WBP11: variants seen among roughly 807,000 people sequenced by gnomAD.
The protein encoded by WBP11 is WW domain-binding protein 11.
A neutral mutation model predicts 66.7 loss-of-function variants in WBP11; 12 were observed. That is an observed-to-expected ratio of 0.18 (90% CI 0.12 to 0.29). The LOEUF (loss-of-function observed/expected upper bound fraction) is 0.29, where lower values mean the gene tolerates loss of function less well. Ranked by LOEUF, WBP11 falls within the 10% of genes least tolerant of loss-of-function variation. WBP11 has a pLI of 1.00. For synonymous variants in WBP11, 255 were observed against 273.8 expected (o/e 0.93, Z 0.68); for missense variants, 555 against 818.3 (o/e 0.68, Z 3.93).
At chr12:14,787,593 T>A in intron 11 of WBP11, 95 bp from the exon 12 acceptor site, 1 of 1,129,242 alleles carries the variant, frequency 8.9e-7, no homozygotes. Flanking sequence ...AATTTTTAAA[T>A]AAATGGATAA....
chr12:14,794,637 A>T lies in WBP11; in HGVS notation c.621T>A (p.Pro207=), dbSNP rs766746000. Residue 207 remains proline (P), a synonymous_variant, in exon 7 of 12, where the codon CCT becomes CCA. Coordinates refer to ENST00000261167, the MANE Select transcript of WBP11 (RefSeq NM_016312.3). The stretch of plus-strand genomic sequence containing the variant: ...CATACATCTGCACGACTTGAGGAGG[A>T]GGTGGACCAGGGGGAGGGCCAGGAG... ...RKPPGPPPGP[P]PPQVVQMYGR... 2.5e-6 allele frequency: 4 copies of T among 1,613,676 alleles called. No homozygotes were observed. Among genetic ancestry groups the T allele is most frequent in the East Asian group, 4.5e-5 (2 of 44,844 alleles).
At chr12:14,794,033 T>A in intron 7 of WBP11, 111 bp from the exon 8 acceptor site, 7 of 537,674 alleles carry the variant, frequency 1.3e-5, no homozygotes, top group Admixed American at 5.8e-5. Context: ...ACAACTTAAT[T>A]CTTACCAAAA....
chr12:14,793,613 G>T, intron 8 of WBP11, 118 bp downstream of exon 8: 1 of 1,238,178 alleles, frequency 8.1e-7, no homozygotes, highest in South Asian at 1.6e-5. Context: ...GATGAACACA[G>T]CTATGATCCC....
intron 8 of WBP11, among the ~76,000 whole-genome samples, chr12:14,793,159 TGA>T (rs954057106): frequency 6.6e-6 from 1 of 152,248 alleles, no homozygotes; most frequent in African/African-American, 2.4e-5. Flanking sequence ...CCAAAATTGC[TGA>T]GGTTTGACAG....
chr12:14,801,519 T>C (rs1006760920), intron 1 of WBP11, 91 bp from the exon 2 acceptor site: 3 of 784,418 alleles, frequency 3.8e-6, no homozygotes, highest in African/African-American at 1.7e-5. Flanking sequence ...AAAAAATTCC[T>C]TTAATTAGAA....
rs1555173362 is a variant in WBP11 at position 14,786,307 on chromosome 12, T to TA, written c.*757dup. ...GACAATCTTAAAAAAGGGAAATAAT[T>TA]ACTCCTTTTTATCCCTTAAAATTTA... On this transcript the variant is annotated 3_prime_UTR_variant, in exon 12 of 12. Coordinates refer to ENST00000261167, the MANE Select transcript of WBP11 (RefSeq NM_016312.3). 6.6e-6 allele frequency: 1 copy of TA among 152,314 alleles called. No homozygotes were observed. Among genetic ancestry groups the TA allele is most frequent in the Non-Finnish European group, 1.5e-5 (1 of 68,004 alleles). 9.4% of individuals were successfully genotyped at this position (152,314 alleles called of 1,614,324 possible). A position where few individuals can be genotyped will look rare whatever the true frequency, so the allele number is the denominator to read the frequency against.
Position 14,787,529 on chromosome 12 carries a change from T to C in WBP11, c.1493-31A>G, listed in dbSNP as rs367636048. 16 of 1,435,972 alleles carry C rather than the reference T, an allele frequency of 1.1e-5. No individual in the cohort carries two copies. In the African/African-American group the frequency reaches 1.7e-4, roughly 15 times the overall value. The allele number at this position is 1,435,972 out of a possible 1,614,324, so 89.0% of individuals were successfully genotyped here. On this transcript the variant is annotated intron_variant, in intron 11 of 11. Coordinates refer to ENST00000261167, the MANE Select transcript of WBP11 (RefSeq NM_016312.3). ...TGAATAAAATAGGCAAGATGAATACTGTAAGAACTAATAAAATTTAACTAC... is the reference window on the plus strand; with the variant it reads ...TGAATAAAATAGGCAAGATGAATACCGTAAGAACTAATAAAATTTAACTAC...
rs758475930 is a variant in WBP11 at position 14,800,739 on chromosome 12, T to C, written c.96+13A>G. 33 of 1,603,678 alleles carry C rather than the reference T, an allele frequency of 2.1e-5. No individual in the cohort carries two copies. Among genetic ancestry groups the C allele is most frequent in the Admixed American group, 5.1e-5 (3 of 58,738 alleles). On this transcript the variant is annotated intron_variant, in intron 3 of 11. Coordinates refer to ENST00000261167, the MANE Select transcript of WBP11 (RefSeq NM_016312.3). ...AATACTTAAAGTTTTATAAGATGCC[T>C]CTAAAATCATACCTTCTTTAATTCT...
rs1411026042 is a variant in WBP11 at position 14,791,051 on chromosome 12, A to T, written c.1015+118T>A. 4 of 1,030,982 alleles carry T rather than the reference A, an allele frequency of 3.9e-6. No individual in the cohort carries two copies. In the East Asian group the frequency reaches 1.0e-4, roughly 26 times the overall value. The allele number at this position is 1,030,982 out of a possible 1,614,324, so 63.9% of individuals were successfully genotyped here. A position where few individuals can be genotyped will look rare whatever the true frequency, so the allele number is the denominator to read the frequency against. On this transcript the variant is annotated intron_variant, in intron 9 of 11. Coordinates refer to ENST00000261167, the MANE Select transcript of WBP11 (RefSeq NM_016312.3). The stretch of plus-strand genomic sequence containing the variant: ...TAATGGTTCCAAACCTTATTTTTGT[A>T]AAACAAGGACTTATTACTTACTTGA...
chr12:14,800,835 G>T, intron 2 of WBP11, 52 bp from the exon 3 acceptor site: 1 of 1,462,484 alleles, frequency 6.8e-7, no homozygotes, highest in Non-Finnish European at 9.4e-7. Context: ...TTGAACATTA[G>T]CATTTCCTCC....
At chr12:14,794,478 T>C in intron 7 of WBP11, 59 bp downstream of exon 7, 1 of 1,593,738 alleles carries the variant, frequency 6.3e-7, no homozygotes. Flanking sequence ...AACAATATGT[T>C]AAACAGGGCC....
At chr12:14,798,674 A>G (rs1949921027) in intron 4 of WBP11, among the ~76,000 whole-genome samples, 1 of 152,158 alleles carries the variant, frequency 6.6e-6, no homozygotes, top group Non-Finnish European at 1.5e-5. Flanking sequence ...GCCTAATGCC[A>G]TGACTGAATT....
chr12:14,794,778 A>C (rs1180445324), intron 6 of WBP11, 42 bp from the exon 7 acceptor site: 1 of 1,531,866 alleles, frequency 6.5e-7, no homozygotes, highest in Admixed American at 2.3e-5. Context: ...CCCCACAGTA[A>C]TCACTTAACA....
chr12:14,799,564 C>A lies in WBP11; in HGVS notation c.190+71G>T, dbSNP rs1949934685. ...CTGTTCTGTTTTACTTACGCCTATGCTGCTTCACTCGTTACCTGCCTGCCT... is the reference window on the plus strand; with the variant it reads ...CTGTTCTGTTTTACTTACGCCTATGATGCTTCACTCGTTACCTGCCTGCCT... On this transcript the variant is annotated intron_variant, in intron 4 of 11. Transcript: ENST00000261167. 5 of 1,415,020 alleles carry A rather than the reference C, an allele frequency of 3.5e-6. No homozygotes were observed. The South Asian group carries it at 6.1e-5, about 17-fold the overall frequency. The allele number at this position is 1,415,020 out of a possible 1,614,324, so 87.7% of individuals were successfully genotyped here. A position where few individuals can be genotyped will look rare whatever the true frequency, so the allele number is the denominator to read the frequency against.
chr12:14,797,167 A>T (rs925204675), intron 4 of WBP11, among the ~76,000 whole-genome samples, 164 bp from the exon 5 acceptor site: 4 of 152,210 alleles, frequency 2.6e-5, no homozygotes, highest in Non-Finnish European at 5.9e-5. Context: ...AATATTTATT[A>T]AAATCCCCAC....
At chr12:14,801,970 A>T (rs1050014010) in intron 1 of WBP11, 1 of 152,552 alleles carries the variant, frequency 6.6e-6, no homozygotes, top group Admixed American at 6.5e-5. Context: ...ATTTAAGCAT[A>T]TTTAATTCAG....
At chr12:14,800,426 G>A (rs777793754) in intron 3 of WBP11, among the ~76,000 whole-genome samples, 3 of 151,940 alleles carry the variant, frequency 2.0e-5, no homozygotes, top group Non-Finnish European at 4.4e-5. Flanking sequence ...AAGCTATCTA[G>A]CATCATGTTT....
intron 5 of WBP11, among the ~76,000 whole-genome samples, chr12:14,795,902 A>C (rs1387841743): frequency 6.6e-6 from 1 of 152,148 alleles, no homozygotes; most frequent in Admixed American, 6.5e-5. Context: ...AATGGGAGAC[A>C]TATTACCTCC....
At chr12:14,789,699 GGAAATATACAAAGGT>G (rs1949798823) in intron 10 of WBP11, among the ~76,000 whole-genome samples, 3 of 152,232 alleles carry the variant, frequency 2.0e-5, no homozygotes, top group African/African-American at 7.2e-5. Flanking sequence ...CCGCAATGTT[GGAAATATACAAAGGT>G]GATAAGAATT....
Sources: gnomAD v4.1 joint callset for allele counts (sites outside exome capture counted in the v4.1 genomes callset) on GRCh38, gnomAD v4.1.1 for gene constraint, MANE v1.5 for transcripts, NCBI Gene and HGNC (gene_info 2026-07-23, HGNC 2026-07-21) for gene names.